Variants in RERE observed in about 807,000 individuals in gnomAD.
RERE encodes the protein arginine-glutamic acid dipeptide repeats protein.
RERE carries 40 observed loss-of-function variants against 146.1 expected under a neutral mutation model. The ratio of observed to expected loss-of-function variants is 0.27; its 90% CI spans 0.21 to 0.36. The LOEUF (loss-of-function observed/expected upper bound fraction) is 0.36, where lower values mean the gene tolerates loss of function less well. Ranked by LOEUF, RERE falls within the 10% of genes least tolerant of loss-of-function variation. The probability of loss-of-function intolerance (pLI) is 1.00; values close to 1 mark genes in which losing one functional copy is unlikely to be tolerated. For synonymous variants in RERE, 1,003 were observed against 866.0 expected (o/e 1.16, Z -2.78); for missense variants, 1,933 against 2,138.7 (o/e 0.90, Z 1.90).
At chr1:8,499,862 G>GT (rs1334662935) in intron 8 of RERE, among the ~76,000 whole-genome samples, 1 of 152,068 alleles carries the variant, frequency 6.6e-6, no homozygotes, top group Non-Finnish European at 1.5e-5. Flanking sequence ...GCTCACGCCT[G>GT]TAATCCCAGC....
intron 12 of RERE, among the ~76,000 whole-genome samples, chr1:8,384,538 G>C (rs1642574592): frequency 6.6e-6 from 1 of 152,218 alleles, no homozygotes; most frequent in Admixed American, 6.5e-5. Flanking sequence ...ATCTGCTTAA[G>C]GTAACAGCAA....
chr1:8,486,451 T>C (rs1644900645), intron 10 of RERE, among the ~76,000 whole-genome samples: 1 of 152,124 alleles, frequency 6.6e-6, no homozygotes, highest in South Asian at 2.1e-4. Flanking sequence ...ACTAAATAAT[T>C]CATGGGTCAA....
At chr1:8,382,010 G>A (rs1279410929) in intron 12 of RERE, among the ~76,000 whole-genome samples, 6 of 152,206 alleles carry the variant, frequency 3.9e-5, no homozygotes, top group Admixed American at 1.3e-4. Context: ...CTCTGGACCT[G>A]CCTTAAGAGC....
chr1:8,550,055 G>T (rs1429754778), intron 6 of RERE, among the ~76,000 whole-genome samples: 2 of 152,178 alleles, frequency 1.3e-5, no homozygotes, highest in African/African-American at 4.8e-5. Flanking sequence ...TAATGCTATT[G>T]TATCAATGTT....
intron 7 of RERE, among the ~76,000 whole-genome samples, chr1:8,539,924 TCTACCCCTACGTTGACTA>T (rs1001451991): frequency 9.2e-5 from 14 of 152,074 alleles, no homozygotes; most frequent in African/African-American, 3.1e-4. Context: ...CACGTTCCCT[TCTACCCCTACGTTGACTA>T]CTCAACAACA....
chr1:8,456,851 T>C (rs1467680902), intron 11 of RERE, among the ~76,000 whole-genome samples: 1 of 152,222 alleles, frequency 6.6e-6, no homozygotes, highest in African/African-American at 2.4e-5. Flanking sequence ...GAACTCTCCA[T>C]GGCTACCTTA....
At position 8,361,473 on chromosome 1, in the gene RERE, G is replaced by A. The variant is rs1641579586; in HGVS notation, c.2034C>T (p.Asn678=). The A allele has an allele frequency of 6.2e-7, 1 of 1,611,976 alleles. No individual in the cohort carries two copies. Residue 678 remains asparagine, a synonymous_variant, in exon 18 of 23, where the codon AAC becomes AAT. Coordinates refer to ENST00000400908, the MANE Select transcript of RERE (RefSeq NM_001042681.2). ...TCTCTCCCTCACCTTCAGATGGCGA[G>A]TTGGGCCTGCTGATCTCCTGGAGTC... ...KTKTQEISRP[N]SPSEGEGESS... is the part of the protein sequence containing the mutation.
At chr1:8,778,880 C>T (rs1376948020) in intron 1 of RERE, among the ~76,000 whole-genome samples, 1 of 152,018 alleles carries the variant, frequency 6.6e-6, no homozygotes, top group Non-Finnish European at 1.5e-5. Context: ...GACAGTCTTC[C>T]TCTGTCACCC....
rs145256538 is a variant in RERE, at chr1:8,650,812, G to A, written c.325+5161C>T. Among the ~76,000 whole-genome samples, 1,464 of 151,922 alleles carry A rather than the reference G, an allele frequency of 9.6e-3. 25 individuals carry two copies. Among genetic ancestry groups the A allele is most frequent in the African/African-American group, 0.034 (1,403 of 41,406 alleles). On this transcript the variant is annotated intron_variant, in intron 2 of 22. Transcript: ENST00000400908. Reference sequence around the variant, plus strand: ...CTTATGAGGCTGAGGCAGGAGAATCGCTTGAACCCAGGAGGCGGAGGTTGC... The same window carrying A: ...CTTATGAGGCTGAGGCAGGAGAATCACTTGAACCCAGGAGGCGGAGGTTGC...
chr1:8,703,133 C>G (rs1486196364), intron 1 of RERE: 1 of 152,180 alleles, frequency 6.6e-6, no homozygotes, highest in Non-Finnish European at 1.5e-5. Context: ...CAACTCCGGA[C>G]CCGCGGAAAG....
chr1:8,642,416 A>C (rs1354612154), intron 2 of RERE, among the ~76,000 whole-genome samples: 1 of 152,214 alleles, frequency 6.6e-6, no homozygotes, highest in Admixed American at 6.5e-5. Context: ...ATGAAACCTA[A>C]GGAAGTTTAT....
chr1:8,732,126 C>T (rs149772141), intron 1 of RERE, among the ~76,000 whole-genome samples: 20 of 152,300 alleles, frequency 1.3e-4, no homozygotes, highest in African/African-American at 4.8e-4. Flanking sequence ...CATAATCTTA[C>T]CATACAATCC....
intron 12 of RERE, among the ~76,000 whole-genome samples, chr1:8,369,382 C>T (rs1641937035): frequency 1.3e-5 from 2 of 152,036 alleles, no homozygotes; most frequent in Admixed American, 1.3e-4. Context: ...TTGAAATCAA[C>T]ATCAACTTTT....
chr1:8,566,134 T>C (rs1007715582), intron 4 of RERE, among the ~76,000 whole-genome samples: 2 of 152,308 alleles, frequency 1.3e-5, no homozygotes, highest in East Asian at 1.9e-4. Context: ...CCAACCTTGG[T>C]GTATTTTAGT....
intron 1 of RERE, among the ~76,000 whole-genome samples, chr1:8,681,323 G>A (rs1557477791): frequency 6.6e-6 from 1 of 152,044 alleles, no homozygotes; most frequent in East Asian, 1.9e-4. Flanking sequence ...TATAATAACC[G>A]GGGAGTCTTT....
chr1:8,621,538 A>G (rs2124217509), intron 3 of RERE, among the ~76,000 whole-genome samples: 1 of 152,332 alleles, frequency 6.6e-6, no homozygotes, highest in South Asian at 2.1e-4. Context: ...TCCTTTATAC[A>G]CAAAATTTCA....
At chr1:8,549,114 T>G (rs1266733595) in intron 6 of RERE, among the ~76,000 whole-genome samples, 3 of 152,228 alleles carry the variant, frequency 2.0e-5, no homozygotes, top group Admixed American at 6.5e-5. Context: ...GCCTGCTAAC[T>G]GGATCTAGAA....
At chr1:8,488,078 T>C (rs1644927305) in intron 10 of RERE, among the ~76,000 whole-genome samples, 1 of 118,692 alleles carries the variant, frequency 8.4e-6, no homozygotes, top group African/African-American at 3.1e-5. Flanking sequence ...CTTTAAATTT[T>C]TTTTAATCAA....
intron 8 of RERE, among the ~76,000 whole-genome samples, chr1:8,504,314 G>C (rs1645220097): frequency 1.3e-5 from 2 of 152,076 alleles, no homozygotes; most frequent in African/African-American, 4.8e-5. Flanking sequence ...TAAGTGAAAA[G>C]GACAAAAACC....
Sources: allele counts gnomAD v4.1 joint callset (sites outside exome capture counted in the v4.1 genomes callset), GRCh38; gene constraint gnomAD v4.1.1; transcripts MANE v1.5; gene names NCBI Gene and HGNC (gene_info 2026-07-23, HGNC 2026-07-21).